TSPEAR: variants seen among roughly 807,000 people sequenced by gnomAD.
TSPEAR encodes the protein thrombospondin-type laminin G domain and EAR repeat-containing protein.
Under a neutral mutation model 71.6 loss-of-function variants are expected in TSPEAR, and 69 were observed. That is an observed-to-expected ratio of 0.96 (90% CI 0.79 to 1.18). The LOEUF (loss-of-function observed/expected upper bound fraction) is 1.18, where lower values mean the gene tolerates loss of function less well. TSPEAR is among the 50% of genes most tolerant of loss of function. TSPEAR has a pLI of 0.00. For missense variants in TSPEAR, 971 were observed against 894.9 expected (o/e 1.09, Z -1.09); for synonymous variants, 402 against 387.2 (o/e 1.04, Z -0.45).
At chr21:44,658,054 T>C (rs1237650737) in intron 1 of TSPEAR, 3 of 1,613,796 alleles carry the variant, frequency 1.9e-6, no homozygotes, top group African/African-American at 2.7e-5. Flanking sequence ...CATCCTGCTA[T>C]GTGCCCGTGA....
intron 2 of TSPEAR, chr21:44,558,871 C>G (rs2053593527): frequency 1.1e-6 from 1 of 924,564 alleles, no homozygotes; most frequent in African/African-American, 1.7e-5. Flanking sequence ...CTTCGAGAAG[C>G]CTTCCTCTTC....
At chr21:44,660,104 A>C (rs937951777) in intron 1 of TSPEAR, among the ~76,000 whole-genome samples, 5 of 152,198 alleles carry the variant, frequency 3.3e-5, no homozygotes, top group African/African-American at 1.2e-4. Context: ...AAAGAGAAAG[A>C]GAAGGGTGGA....
At chr21:44,627,802 C>G (rs1555934840) in intron 1 of TSPEAR, 2 of 1,605,266 alleles carry the variant, frequency 1.2e-6, no homozygotes, top group South Asian at 2.2e-5. Context: ...TTTGTGCTGC[C>G]AGCAGTCTGG....
intron 9 of TSPEAR, chr21:44,517,458 A>G (rs1304946333): frequency 3.8e-6 from 1 of 264,794 alleles, no homozygotes; most frequent in Non-Finnish European, 7.5e-6. Context: ...AGCTGTGAGG[A>G]CGTGAGCACA....
rs140923114 is a variant in TSPEAR, at chr21:44,533,816, C to T, written c.411G>A (p.Thr137=). The change falls in exon 3 of 12, where the codon ACG becomes ACA. Residue 137 remains threonine (T), a synonymous_variant. Transcript: ENST00000323084. ...ACACTCGGGTCTGCCAGGCGCCGGC[C>T]GTGTCCTCGCGAAGGAACAGGAAGT... ...QLHFLFLRED[T]AGAWQTRVSF... 1.7e-4 allele frequency: 277 copies of T among 1,612,532 alleles called. 4 individuals are homozygous for T. In the Middle Eastern group the frequency reaches 2.1e-3, roughly 12 times the overall value.
At chr21:44,647,373 C>G in intron 1 of TSPEAR, 1 of 1,608,556 alleles carries the variant, frequency 6.2e-7, no homozygotes, top group South Asian at 1.1e-5. Flanking sequence ...ATCCTTGTCT[C>G]CTGCTGACTG....
chr21:44,643,250 C>T (rs1555938872), intron 1 of TSPEAR, among the ~76,000 whole-genome samples: 1 of 152,090 alleles, frequency 6.6e-6, no homozygotes, highest in Non-Finnish European at 1.5e-5. Flanking sequence ...ATTCGAGGGC[C>T]AGGGGGTGCA....
rs1286142287 is a variant in TSPEAR at position 44,539,547 on chromosome 21, C to T, written c.304-5624G>A. ...CATGAAGTGGAAGCCCCAGAGCAGA[C>T]GGGCACACAGCAGATGGGCTTGCAG... On this transcript the variant is annotated intron_variant, in intron 2 of 11. Transcript: ENST00000323084. 55 of 1,612,404 alleles carry T rather than the reference C, an allele frequency of 3.4e-5. No individual in the cohort carries two copies. Among genetic ancestry groups the T allele is most frequent in the Middle Eastern group, 1.6e-4 (1 of 6,078 alleles).
intron 1 of TSPEAR, among the ~76,000 whole-genome samples, chr21:44,594,218 G>A (rs587723406): frequency 1.3e-5 from 2 of 152,316 alleles, no homozygotes; most frequent in Admixed American, 6.5e-5. Flanking sequence ...AGTCAGAGGG[G>A]AGGAAGAAAA....
At chr21:44,685,457 AC>A (rs1486793052) in intron 1 of TSPEAR, among the ~76,000 whole-genome samples, 6 of 151,974 alleles carry the variant, frequency 3.9e-5, no homozygotes, top group Non-Finnish European at 7.4e-5. Context: ...GGTGAGACTG[AC>A]CAGACCCACA....
At chr21:44,517,065 C>G (rs1280406499) in intron 9 of TSPEAR, among the ~76,000 whole-genome samples, 2 of 152,194 alleles carry the variant, frequency 1.3e-5, no homozygotes, top group Non-Finnish European at 2.9e-5. Flanking sequence ...CTCCTGCAGT[C>G]TGTGCTTCTG....
At chr21:44,636,489 G>A (rs1983576902) in intron 1 of TSPEAR, among the ~76,000 whole-genome samples, 1 of 152,182 alleles carries the variant, frequency 6.6e-6, no homozygotes, top group Non-Finnish European at 1.5e-5. Context: ...GGACAATGAT[G>A]TCACCTACAG....
intron 9 of TSPEAR, among the ~76,000 whole-genome samples, chr21:44,514,718 A>G (rs2052504238): frequency 6.6e-6 from 1 of 152,204 alleles, no homozygotes; most frequent in Non-Finnish European, 1.5e-5. Flanking sequence ...CCTTTGGTCC[A>G]AGCTGGGGAG....
At chr21:44,538,435 C>A (rs1225847102) in intron 2 of TSPEAR, among the ~76,000 whole-genome samples, 9 of 80,596 alleles carry the variant, frequency 1.1e-4, no homozygotes, top group South Asian at 6.1e-4. Flanking sequence ...CCCCCCCCCC[C>A]CAAGAGGAGA....
intron 1 of TSPEAR, among the ~76,000 whole-genome samples, chr21:44,571,753 A>G (rs1160497520): frequency 2.0e-5 from 3 of 152,270 alleles, no homozygotes; most frequent in Non-Finnish European, 4.4e-5. Flanking sequence ...CATAGTGATC[A>G]TATTGGATTA....
At chr21:44,649,598 T>A (rs1441215674) in intron 1 of TSPEAR, among the ~76,000 whole-genome samples, 8 of 152,284 alleles carry the variant, frequency 5.3e-5, no homozygotes, top group African/African-American at 1.4e-4. Context: ...CCAAGCTGGC[T>A]CTGTCGGGGC....
chr21:44,518,260 T>C (rs1555913746), intron 9 of TSPEAR: 1 of 464,044 alleles, frequency 2.2e-6, no homozygotes, highest in Admixed American at 2.5e-5. Flanking sequence ...CTCCTGCAGT[T>C]TTCAGGATTT....
rs587725428 is a variant in TSPEAR at position 44,593,325 on chromosome 21, G to T, written c.83-25320C>A. Among the ~76,000 whole-genome samples, 1 of 152,152 alleles carries T rather than the reference G, an allele frequency of 6.6e-6. No individual in the cohort carries two copies. The highest frequency in any genetic ancestry group is 2.4e-5 in the African/African-American group (1 of 41,434). ...CAGCCCCCACCCAGCCTCCTGCTGG[G>T]CCCATTTCCCAGCCCTGTCTTCCAA... On this transcript the variant is annotated intron_variant, in intron 1 of 11. Transcript: ENST00000323084. This position sits in a 1 kb window ranked among gnomAD's most constrained non-coding sequence, Gnocchi z 5.9.
chr21:44,677,613 G>T, intron 1 of TSPEAR: 1 of 1,115,698 alleles, frequency 9.0e-7, no homozygotes, highest in Non-Finnish European at 1.4e-6. Flanking sequence ...AGGGTGATCA[G>T]TTTTTAAAGA....
Sources: gnomAD v4.1 joint callset for allele counts (sites outside exome capture counted in the v4.1 genomes callset) on GRCh38, gnomAD v4.1.1 for gene constraint, Gnocchi (gnomAD v3.1) non-coding constraint, MANE v1.5 for transcripts, NCBI Gene and HGNC (gene_info 2026-07-23, HGNC 2026-07-21) for gene names.